The following SLC22A25 variants were observed in gnomAD, a reference collection of about 807,000 sequenced individuals.
SLC22A25 encodes solute carrier family 22 member 25.
Under a neutral mutation model 45.9 loss-of-function variants are expected in SLC22A25, and 44 were observed. The observed-to-expected ratio is 0.96, with a 90% CI of 0.75 to 1.23. The LOEUF is 1.23. Ranked by LOEUF, SLC22A25 falls within the 50% of genes most tolerant of loss-of-function variation. SLC22A25 has a pLI of 0.00. For missense variants in SLC22A25, 800 were observed against 666.4 expected (o/e 1.20, Z -2.21); for synonymous variants, 283 against 238.6 (o/e 1.19, Z -1.72).
In SLC22A25 at chr11:63,183,680, C is replaced by T; in HGVS notation, c.954+14G>A. The stretch of plus-strand genomic sequence containing the variant: ...TCTTCCCAGCATCCCATATCCAGCT[C>T]CCGTCTTGCTTACCTCCATGGTTAG... On this transcript the variant is annotated intron_variant, in intron 8 of 11. Transcript: ENST00000306494. The T allele has an allele frequency of 2.5e-6, 4 of 1,612,438 alleles. No homozygotes were observed. Among genetic ancestry groups the T allele is most frequent in the Non-Finnish European group, 3.4e-6 (4 of 1,178,894 alleles).
intron 7 of SLC22A25, among the ~76,000 whole-genome samples, chr11:63,186,386 G>A (rs1195064428): frequency 6.6e-6 from 1 of 150,962 alleles, no homozygotes; most frequent in African/African-American, 2.4e-5. Flanking sequence ...CTTTTTGTTG[G>A]GATTGTTTGT....
intron 7 of SLC22A25, among the ~76,000 whole-genome samples, chr11:63,190,261 T>C (rs925215374): frequency 6.6e-6 from 1 of 152,194 alleles, no homozygotes; most frequent in Non-Finnish European, 1.5e-5. Flanking sequence ...CTCTTTTTTC[T>C]CTACACTTCT....
intron 7 of SLC22A25, among the ~76,000 whole-genome samples, chr11:63,210,204 A>C (rs776830045): frequency 1.3e-5 from 2 of 152,222 alleles, no homozygotes; most frequent in African/African-American, 2.4e-5. Flanking sequence ...AAACCTTCAG[A>C]AGCCGGAAGG....
intron 9 of SLC22A25, among the ~76,000 whole-genome samples, chr11:63,168,843 G>A (rs1440429446): frequency 6.6e-6 from 1 of 151,992 alleles, no homozygotes; most frequent in Non-Finnish European, 1.5e-5. Context: ...CTTGAGAAGA[G>A]CAACACCAAG....
In SLC22A25 at chr11:63,233,366, G is replaced by A. The variant is rs185349796; in HGVS notation, c.-444-3270C>T. Among the ~76,000 whole-genome samples the A allele has an allele frequency of 2.6e-3, 395 of 152,224 alleles. 1 individual carries two copies. The highest frequency in any genetic ancestry group is 4.6e-3 in the Non-Finnish European group (314 of 68,012). ...ACTTCTTCCTGGTTTAGTCTTGGGCGGGTGTATGTGTCAAGGAATTTATCC... is the reference window on the plus strand; with the variant it reads ...ACTTCTTCCTGGTTTAGTCTTGGGCAGGTGTATGTGTCAAGGAATTTATCC... On this transcript the variant is annotated intron_variant, in intron 3 of 11. Coordinates refer to ENST00000306494, the MANE Select transcript of SLC22A25 (RefSeq NM_199352.6).
chr11:63,217,977 C>G (rs1467347309), intron 5 of SLC22A25: 1 of 629,460 alleles, frequency 1.6e-6, no homozygotes. Context: ...ATCATTGATA[C>G]AAATTCAAAA....
chr11:63,188,993 G>A (rs1016726399), intron 7 of SLC22A25, among the ~76,000 whole-genome samples: 10 of 152,066 alleles, frequency 6.6e-5, no homozygotes, highest in South Asian at 6.2e-4. Context: ...GAATAAGTGC[G>A]GTGTGGTGCT....
chr11:63,239,011 A>T lies in SLC22A25; in HGVS notation c.-871T>A, dbSNP rs116293564. On this transcript the variant is annotated 5_prime_UTR_variant, in exon 2 of 12. Transcript: ENST00000306494. ...ATGAATGCAGTGAAATTCTCCATAC[A>T]ACACGAGGGCAAACTATAAAGGTGG... is the stretch of plus-strand genomic sequence containing the variant. The T allele has an allele frequency of 7.5e-3, 1,248 of 166,188 alleles. 14 individuals carry two copies. Among genetic ancestry groups the T allele is most frequent in the African/African-American group, 0.027 (1,135 of 42,184 alleles). 10.3% of individuals were successfully genotyped at this position (166,188 alleles called of 1,614,324 possible). A position where few individuals can be genotyped will look rare whatever the true frequency, so the allele number is the denominator to read the frequency against.
intron 1 of SLC22A25, among the ~76,000 whole-genome samples, chr11:63,240,184 G>A (rs191559954): frequency 6.6e-6 from 1 of 152,230 alleles, no homozygotes; most frequent in Non-Finnish European, 1.5e-5. Context: ...AAAAGTTAGA[G>A]TAAAAATAAA....
chr11:63,185,649 C>G (rs1489292004), intron 7 of SLC22A25, among the ~76,000 whole-genome samples: 74 of 147,254 alleles, frequency 5.0e-4, no homozygotes, highest in South Asian at 1.5e-3. Flanking sequence ...CCCACTAACT[C>G]GTCATCTAGC....
intron 7 of SLC22A25, among the ~76,000 whole-genome samples, chr11:63,196,797 GA>G (rs2089051400): frequency 1.3e-5 from 2 of 152,220 alleles, no homozygotes; most frequent in East Asian, 3.9e-4. Context: ...ATTCAATTAG[GA>G]AAAGAGGAAG....
intron 7 of SLC22A25, among the ~76,000 whole-genome samples, chr11:63,214,696 T>G (rs1590881778): frequency 6.6e-6 from 1 of 152,158 alleles, no homozygotes; most frequent in East Asian, 1.9e-4. Context: ...ACTGTCTTTG[T>G]TTCTCACTTC....
chr11:63,194,414 T>C (rs903441155), intron 7 of SLC22A25, among the ~76,000 whole-genome samples: 11 of 149,442 alleles, frequency 7.4e-5, no homozygotes, highest in African/African-American at 2.4e-4. Context: ...CAGAGAAAGG[T>C]CGGGTAAAGA....
chr11:63,165,346 C>A (rs1250460058), intron 10 of SLC22A25, among the ~76,000 whole-genome samples: 2 of 152,200 alleles, frequency 1.3e-5, no homozygotes, highest in Admixed American at 6.5e-5. Context: ...GCACACCAAC[C>A]TGGTATTCTC....
In SLC22A25 at chr11:63,194,659, C is replaced by T. The variant is rs531885084; in HGVS notation, c.831-10842G>A. Among the ~76,000 whole-genome samples the T allele has an allele frequency of 4.3e-3, 649 of 151,868 alleles. 6 individuals carry two copies. Among genetic ancestry groups the T allele is most frequent in the African/African-American group, 0.014 (578 of 41,428 alleles). ...GCTAGGAAGAAACTGCATCAACTAA[C>T]GAGCAAAATAATCAGCTAACATCAT... On this transcript the variant is annotated intron_variant, in intron 7 of 11. Transcript: ENST00000306494.
At chr11:63,215,959 T>C (rs1258947671) in intron 7 of SLC22A25, among the ~76,000 whole-genome samples, 1 of 152,212 alleles carries the variant, frequency 6.6e-6, no homozygotes, top group Admixed American at 6.5e-5. Context: ...CATTCTTTTT[T>C]ATGGTTGCAT....
At chr11:63,186,030 A>G (rs975866685) in intron 7 of SLC22A25, among the ~76,000 whole-genome samples, 11 of 152,014 alleles carry the variant, frequency 7.2e-5, no homozygotes, top group Non-Finnish European at 1.3e-4. Context: ...TTATAGTAGC[A>G]TGATTTATAA....
In SLC22A25 at chr11:63,180,655, C is replaced by T. The variant is rs778694271; in HGVS notation, c.1070+5G>A. 6.2e-7 allele frequency: 1 copy of T among 1,602,416 alleles called. No individual in the cohort carries two copies. Among genetic ancestry groups the T allele is most frequent in the South Asian group, 1.1e-5 (1 of 89,822 alleles). ...AACATTCCTCACACACTGCATGAAA[C>T]TTACCTCACAAAGGACAGGAAACAG... is the stretch of plus-strand genomic sequence containing the variant. On this transcript the variant is annotated splice_donor_5th_base_variant and intron_variant, in intron 9 of 11. Coordinates refer to ENST00000306494, the MANE Select transcript of SLC22A25 (RefSeq NM_199352.6).
At chr11:63,183,187 C>T (rs117068957) in intron 8 of SLC22A25, among the ~76,000 whole-genome samples, 3,754 of 152,144 alleles carry the variant, frequency 0.025, 104 homozygotes, top group Non-Finnish European at 0.032. Flanking sequence ...TAGATTTGGA[C>T]TGGTGTTGGT....
Sources: allele counts gnomAD v4.1 joint callset (sites outside exome capture counted in the v4.1 genomes callset), GRCh38; gene constraint gnomAD v4.1.1; transcripts MANE v1.5; gene names NCBI Gene and HGNC (gene_info 2026-07-23, HGNC 2026-07-21).